The following CAD variants were observed in gnomAD, a reference collection of about 807,000 sequenced individuals.
CAD encodes the protein carbamoyl-phosphate synthetase 2, aspartate transcarbamylase, and dihydroorotase.
Under a neutral mutation model 237.2 loss-of-function variants are expected in CAD, and 81 were observed. That is an observed-to-expected ratio of 0.34 (90% CI 0.29 to 0.41). The LOEUF is 0.41. CAD is among the 10% of genes least tolerant of loss of function. CAD has a pLI of 1.00. For missense variants in CAD, 2,181 were observed against 2,951.7 expected (o/e 0.74, Z 6.05); for synonymous variants, 1,196 against 1,162.8 (o/e 1.03, Z -0.58).
Position 27,239,519 on chromosome 2 carries a change from C to T in CAD, c.5394+48C>T. 6.3e-7 allele frequency: 1 copy of T among 1,593,572 alleles called. No homozygotes were observed. The highest frequency in any genetic ancestry group is 8.6e-7 in the Non-Finnish European group (1 of 1,165,182). The stretch of plus-strand genomic sequence containing the variant: ...ATCTCAGTAGTGCCCTCTTCTGCAC[C>T]ACGTTCATTTCTTCCCTTCCCAGCA... On this transcript the variant is annotated intron_variant, in intron 33 of 43. Transcript: ENST00000264705. The surrounding 1 kb of genome is among the most constrained non-coding windows in gnomAD (Gnocchi z 4.0).
At chr2:27,238,692 A>G (rs1476968533) in intron 31 of CAD, 60 bp downstream of exon 31, 2 of 1,481,750 alleles carry the variant, frequency 1.3e-6, no homozygotes, top group African/African-American at 2.8e-5. Context: ...AGCCCTAGCA[A>G]GAAAATGGGA....
chr2:27,235,130 A>T lies in CAD; in HGVS notation c.3787-115A>T. ...AAGCAGGAGGGCACACAGAGAGGGCAGGCTGACCCTGCCATTCAGATGGGA... is the reference window on the plus strand; with the variant it reads ...AAGCAGGAGGGCACACAGAGAGGGCTGGCTGACCCTGCCATTCAGATGGGA... On this transcript the variant is annotated intron_variant, in intron 23 of 43. Coordinates refer to ENST00000264705, the MANE Select transcript of CAD (RefSeq NM_004341.5). The surrounding 1 kb of genome is among the most constrained non-coding windows in gnomAD (Gnocchi z 5.2). The T allele has an allele frequency of 1.1e-6, 1 of 942,006 alleles. No homozygotes were observed. Among genetic ancestry groups the T allele is most frequent in the Non-Finnish European group, 1.6e-6 (1 of 640,346 alleles). The allele number at this position is 942,006 out of a possible 1,614,324, so 58.4% of individuals were successfully genotyped here.
rs1480667467 is a variant in CAD, at chr2:27,221,247, A to G, written c.252A>G (p.Ala84=). ...KWFESSGIHV[A]ALVVGECCPT... ...TTGAATCCTCGGGCATCCACGTAGCAGCACTGGTAGTGGGAGAGTGCTGTC... is the reference window on the plus strand; with the variant it reads ...TTGAATCCTCGGGCATCCACGTAGCGGCACTGGTAGTGGGAGAGTGCTGTC... The change falls in exon 3 of 44, where the codon GCA becomes GCG. Residue 84 remains alanine (A), a synonymous_variant. Coordinates refer to ENST00000264705, the MANE Select transcript of CAD (RefSeq NM_004341.5). 1 of 1,577,886 alleles carries G rather than the reference A, an allele frequency of 6.3e-7. No individual in the cohort carries two copies. The highest frequency in any genetic ancestry group is 1.4e-5 in the African/African-American group (1 of 73,862).
chr2:27,228,624 T>G (rs183299562), intron 15 of CAD, among the ~76,000 whole-genome samples: 3 of 152,298 alleles, frequency 2.0e-5, no homozygotes, highest in Non-Finnish European at 4.4e-5. Context: ...GGATTTTCAT[T>G]CTTGTTGCCC....
In CAD at chr2:27,236,445, C is replaced by G. The variant is rs980221221; in HGVS notation, c.4236C>G (p.Gly1412=). The change falls in exon 26 of 44, where the codon GGC becomes GGG. Residue 1412 remains glycine (G), a synonymous_variant. Transcript: ENST00000264705. The surrounding 1 kb of genome is among the most constrained non-coding windows in gnomAD (Gnocchi z 4.1). ...GTCTCTCTTCCTTTGTCACCAAGGG[C>G]TACCGCACCCGACGCTTGGCCGCTG... The part of the protein sequence containing the change: ...GRRLSSFVTK[G]YRTRRLAADF... The G allele has an allele frequency of 1.9e-6, 3 of 1,614,026 alleles. No individual in the cohort carries two copies. The African/African-American group carries it at 4.0e-5, about 22-fold the overall frequency.
In CAD at chr2:27,233,633, G is replaced by A. The variant is rs190705433; in HGVS notation, c.3224G>A (p.Arg1075His). 3.7e-5 allele frequency: 60 copies of A among 1,614,030 alleles called. No homozygotes were observed. The Admixed American group carries it at 3.8e-4, about 10-fold the overall frequency. Reference sequence around the variant, plus strand: ...GCTCCCTGCCTCCTGTAGTCTGCTCGCCAATTCTGCCAGACCGTGGGGTAC... The same window carrying A: ...GCTCCCTGCCTCCTGTAGTCTGCTCACCAATTCTGCCAGACCGTGGGGTAC... ...WRELSDLESA[R>H]QFCQTVGYPC... Residue 1075 changes from arginine (R) to histidine (H), a missense_variant, in exon 21 of 44, where the codon CGC (arginine) becomes CAC (histidine). Coordinates refer to ENST00000264705, the MANE Select transcript of CAD (RefSeq NM_004341.5). The surrounding 1 kb of genome is among the most constrained non-coding windows in gnomAD (Gnocchi z 6.3).
chr2:27,243,337 G>A (rs1395388081), intron 43 of CAD, 45 bp downstream of exon 43: 19 of 1,609,638 alleles, frequency 1.2e-5, no homozygotes, highest in Middle Eastern at 1.6e-4. Flanking sequence ...GCTGGTGGAC[G>A]GGAGGAGACT....
intron 11 of CAD, 105 bp downstream of exon 11, chr2:27,225,348 G>T (rs1312639943): frequency 1.5e-6 from 1 of 669,500 alleles, no homozygotes; most frequent in Non-Finnish European, 2.4e-6. Context: ...CTCTTGTTGC[G>T]CAGGCTGGAG....
chr2:27,225,303 C>CTTTT lies in CAD; in HGVS notation c.1620+77_1620+80dup, dbSNP rs1221617250. On this transcript the variant is annotated intron_variant, in intron 11 of 43. Transcript: ENST00000264705. ...GTGTTTTTTTTGGTAGTGTTATTTT[C>CTTTT]TTTTTTTTTTTTTTTTTTTTGAGAC... 2,086 of 540,740 alleles carry CTTTT rather than the reference C, an allele frequency of 3.9e-3. 11 individuals are homozygous for CTTTT. The highest frequency in any genetic ancestry group is 8.0e-3 in the African/African-American group (293 of 36,416). 33.5% of individuals were successfully genotyped at this position (540,740 alleles called of 1,614,324 possible).
intron 1 of CAD, 64 bp downstream of exon 1, chr2:27,217,697 T>G (rs989630423): frequency 1.4e-6 from 2 of 1,455,560 alleles, no homozygotes; most frequent in Non-Finnish European, 1.9e-6. Context: ...CCTCCCAACC[T>G]TCCCCGTCCA....
chr2:27,243,149 T>A, intron 42 of CAD, 49 bp from the exon 43 acceptor site: 1 of 1,572,532 alleles, frequency 6.4e-7, no homozygotes, highest in Non-Finnish European at 8.8e-7. Flanking sequence ...GTGTCCTCTG[T>A]AGCCACTCCT....
intron 8 of CAD, 60 bp downstream of exon 8, chr2:27,224,089 C>A: frequency 7.8e-7 from 1 of 1,277,056 alleles, no homozygotes; most frequent in Non-Finnish European, 1.1e-6. Context: ...CCAGGATGGG[C>A]ATAAGGTGGA....
intron 7 of CAD, 54 bp downstream of exon 7, chr2:27,223,802 A>G: frequency 6.3e-7 from 1 of 1,595,964 alleles, no homozygotes; most frequent in Non-Finnish European, 8.6e-7. Context: ...GGCCTTGATG[A>G]TGGAAAAGTA....
Position 27,235,588 on chromosome 2 carries a change from G to A in CAD, c.4022G>A (p.Ser1341Asn). 1 of 1,614,200 alleles carries A rather than the reference G, an allele frequency of 6.2e-7. No homozygotes were observed. Among genetic ancestry groups the A allele is most frequent in the South Asian group, 1.1e-5 (1 of 91,082 alleles). The change falls in exon 25 of 44, where the codon AGC becomes AAC. Residue 1341 changes from serine (S) to asparagine (N), a missense_variant. Physicochemically the swap from Ser to Asn is conservative, Grantham distance 46. Around this residue, in one of 12 missense-constraint regions of CAD, gnomAD observed 306 missense variants for 607.9 expected, o/e 0.50. Coordinates refer to ENST00000264705, the MANE Select transcript of CAD (RefSeq NM_004341.5). The surrounding 1 kb of genome is among the most constrained non-coding windows in gnomAD (Gnocchi z 5.2). Reference protein sequence around the residue: ...TVRLLESLGYSLYASLGTADF... With the variant: ...TVRLLESLGYNLYASLGTADF... ...CGGCTACTGGAGAGCCTGGGCTACA[G>A]CCTCTATGCCAGTCTCGGCACAGCT...
intron 2 of CAD, among the ~76,000 whole-genome samples, chr2:27,218,889 C>T (rs557921907): frequency 6.6e-6 from 1 of 152,292 alleles, no homozygotes; most frequent in East Asian, 1.9e-4. Flanking sequence ...TCCCAGCCAC[C>T]CTGACGCTGG....
Position 27,238,512 on chromosome 2 carries a change from G to A in CAD, c.4942G>A (p.Asp1648Asn). 1.2e-6 allele frequency: 2 copies of A among 1,613,676 alleles called. No individual in the cohort carries two copies. Among genetic ancestry groups the A allele is most frequent in the Middle Eastern group, 1.7e-4 (1 of 6,058 alleles). Residue 1648 changes from aspartate (D) to asparagine (N), a missense_variant, in exon 31 of 44, where the codon GAT becomes AAT. Around this residue, in one of 12 missense-constraint regions of CAD, gnomAD observed 478 missense variants for 515.0 expected, o/e 0.93. Coordinates refer to ENST00000264705, the MANE Select transcript of CAD (RefSeq NM_004341.5). ...TCCCCACCACCTGTTCCTAAGCCAT[G>A]ATGACCTGGAGCGCCTGGGGCCTGG... is the stretch of plus-strand genomic sequence containing the variant. ...VAPHHLFLSH[D>N]DLERLGPGKG...
chr2:27,240,816 A>T lies in CAD; in HGVS notation c.5594-95A>T, dbSNP rs927416714. Reference sequence around the variant, plus strand: ...ATATTACTGTGTTGTGAATTGGTTTAACATATACACTGTGATTCAGAGTTC... The same window carrying T: ...ATATTACTGTGTTGTGAATTGGTTTTACATATACACTGTGATTCAGAGTTC... On this transcript the variant is annotated intron_variant, in intron 35 of 43. Transcript: ENST00000264705. This position sits in a 1 kb window ranked among gnomAD's most constrained non-coding sequence, Gnocchi z 4.6. 19 of 1,413,636 alleles carry T rather than the reference A, an allele frequency of 1.3e-5. No individual in the cohort carries two copies. Among genetic ancestry groups the T allele is most frequent in the African/African-American group, 2.8e-5 (2 of 70,998 alleles). The allele number at this position is 1,413,636 out of a possible 1,614,324, so 87.6% of individuals were successfully genotyped here.
chr2:27,229,436 T>C (rs1056731315), intron 15 of CAD, among the ~76,000 whole-genome samples: 37 of 152,142 alleles, frequency 2.4e-4, no homozygotes, highest in African/African-American at 8.9e-4. Context: ...TTGCTAATTT[T>C]TTTTTTTAAT....
rs1166155867 is a variant in CAD, at chr2:27,241,528, C to CT, written c.5883+133dup. Reference sequence around the variant, plus strand: ...CGTCCCCTTATGCTAGTCCATCCCTCTGCTGCTGTAGATCTTCCCCCACGT... The same window carrying CT: ...CGTCCCCTTATGCTAGTCCATCCCTCTTGCTGCTGTAGATCTTCCCCCACGT... On this transcript the variant is annotated intron_variant, in intron 38 of 43. Transcript: ENST00000264705. The surrounding 1 kb of genome is among the most constrained non-coding windows in gnomAD (Gnocchi z 4.6). 2 of 861,576 alleles carry CT rather than the reference C, an allele frequency of 2.3e-6. No homozygotes were observed. Among genetic ancestry groups the CT allele is most frequent in the East Asian group, 4.9e-5 (2 of 41,062 alleles). 53.4% of individuals were successfully genotyped at this position (861,576 alleles called of 1,614,324 possible).
Sources: allele counts gnomAD v4.1 joint callset (sites outside exome capture counted in the v4.1 genomes callset), GRCh38; gene constraint gnomAD v4.1.1; regional missense constraint gnomAD v4.1.1; non-coding constraint Gnocchi (gnomAD v3.1); transcripts MANE v1.5; gene names NCBI Gene and HGNC (gene_info 2026-07-23, HGNC 2026-07-21).